CMTM7: variants seen among roughly 807,000 people sequenced by gnomAD.
The protein encoded by CMTM7 is CKLF like MARVEL transmembrane domain containing 7.
CMTM7 carries 7 observed loss-of-function variants against 19.3 expected under a neutral mutation model. The observed-to-expected ratio is 0.36, with a 90% CI of 0.21 to 0.68. The LOEUF (loss-of-function observed/expected upper bound fraction) is 0.68, where lower values mean the gene tolerates loss of function less well. CMTM7 is among the 30% of genes least tolerant of loss of function. The pLI is 0.60. For missense variants in CMTM7, 193 were observed against 232.6 expected (o/e 0.83, Z 1.11); for synonymous variants, 87 against 99.3 (o/e 0.88, Z 0.74).
intron 1 of CMTM7, among the ~76,000 whole-genome samples, chr3:32,421,011 G>A (rs768687182): frequency 6.6e-6 from 1 of 151,920 alleles, no homozygotes; most frequent in South Asian, 2.1e-4. Flanking sequence ...CCACCTCACC[G>A]TGCAGCCTGG....
At chr3:32,434,605 TC>T (rs11353726) in intron 1 of CMTM7, among the ~76,000 whole-genome samples, 5,277 of 17,490 alleles carry the variant, frequency 0.3, 115 homozygotes, top group South Asian at 0.41. Context: ...TCTTTTCTTT[TC>T]TTTTTTTTTT....
chr3:32,429,601 ATTT>A (rs1336943258), intron 1 of CMTM7, among the ~76,000 whole-genome samples: 3 of 126,642 alleles, frequency 2.4e-5, no homozygotes, highest in Non-Finnish European at 3.3e-5. Flanking sequence ...GGAGCAGTGT[ATTT>A]TTTTTTTTTT....
chr3:32,452,008 C>T (rs1575128250), intron 3 of CMTM7: 3 of 1,111,518 alleles, frequency 2.7e-6, no homozygotes, highest in East Asian at 5.6e-5. Flanking sequence ...ATCATGGGAA[C>T]GTTCAGATTT....
intron 1 of CMTM7, among the ~76,000 whole-genome samples, chr3:32,396,878 G>A (rs1255691448): frequency 1.3e-5 from 2 of 152,244 alleles, no homozygotes; most frequent in South Asian, 2.1e-4. Context: ...GGATTAAGGA[G>A]ACCCCAGGAT....
intron 1 of CMTM7, among the ~76,000 whole-genome samples, chr3:32,425,988 A>C (rs1424684513): frequency 6.6e-6 from 1 of 152,148 alleles, no homozygotes; most frequent in Non-Finnish European, 1.5e-5. Context: ...TCTACTAAAA[A>C]TATGAAATTA....
chr3:32,431,619 G>A (rs1193521052), intron 1 of CMTM7, among the ~76,000 whole-genome samples: 3 of 152,178 alleles, frequency 2.0e-5, no homozygotes, highest in Admixed American at 2.0e-4. Context: ...GAGGCCAGAA[G>A]CTGGGACAGG....
intron 1 of CMTM7, among the ~76,000 whole-genome samples, chr3:32,432,703 A>G (rs567999133): frequency 2.8e-4 from 43 of 152,330 alleles, no homozygotes; most frequent in Non-Finnish European, 5.1e-4. Flanking sequence ...TGAGGATAAG[A>G]TGGCCACACA....
At chr3:32,452,696 G>GC (rs1168976844) in intron 4 of CMTM7, among the ~76,000 whole-genome samples, 2 of 151,478 alleles carry the variant, frequency 1.3e-5, no homozygotes, top group Non-Finnish European at 2.9e-5. Flanking sequence ...TAACATTTCA[G>GC]CCTCGGGTGG....
intron 1 of CMTM7, among the ~76,000 whole-genome samples, chr3:32,413,726 A>G (rs1272185702): frequency 2.0e-5 from 3 of 152,170 alleles, no homozygotes; most frequent in African/African-American, 7.2e-5. Flanking sequence ...CTTTTTTCCT[A>G]TGTGGCTATT....
intron 1 of CMTM7, among the ~76,000 whole-genome samples, chr3:32,437,014 A>C (rs1162769329): frequency 6.6e-6 from 1 of 152,132 alleles, no homozygotes. Flanking sequence ...GCGGGTGTAC[A>C]CTCAAGCTGC....
Position 32,417,283 on chromosome 3 carries a change from T to C in CMTM7, c.160-24557T>C, listed in dbSNP as rs538086284. On this transcript the variant is annotated intron_variant, in intron 1 of 4. Coordinates refer to ENST00000334983, the MANE Select transcript of CMTM7 (RefSeq NM_138410.4). Reference sequence around the variant, plus strand: ...ACCATTGATCTGTCTTCCATCCCTATAGTTTTACTGTTTCCAGAATGTCGT... The same window carrying C: ...ACCATTGATCTGTCTTCCATCCCTACAGTTTTACTGTTTCCAGAATGTCGT... Among the ~76,000 whole-genome samples the C allele has an allele frequency of 3.9e-5, 6 of 152,348 alleles. No homozygotes were observed. In the East Asian group the frequency reaches 1.2e-3, roughly 29 times the overall value.
intron 1 of CMTM7, among the ~76,000 whole-genome samples, chr3:32,427,704 A>T (rs1344765493): frequency 1.3e-5 from 2 of 152,190 alleles, no homozygotes; most frequent in Non-Finnish European, 2.9e-5. Flanking sequence ...TCTGATCTAG[A>T]AGCAGGAGTT....
chr3:32,431,056 T>TA (rs1205080584), intron 1 of CMTM7, among the ~76,000 whole-genome samples: 6 of 152,220 alleles, frequency 3.9e-5, no homozygotes, highest in Non-Finnish European at 7.3e-5. Context: ...TCATGGAACT[T>TA]ACGTTCAGGG....
intron 1 of CMTM7, among the ~76,000 whole-genome samples, chr3:32,419,448 G>A (rs1696311953): frequency 6.6e-6 from 1 of 152,160 alleles, no homozygotes; most frequent in Non-Finnish European, 1.5e-5. Flanking sequence ...CTTGTTCCCT[G>A]TGTTGGGGGA....
In CMTM7 at chr3:32,411,061, G is replaced by C. The variant is rs560561810; in HGVS notation, c.159+18996G>C. ...GGCGCTACCTTAAGTCACTTCATCA[G>C]ATGTTTATTGAATGGCTGCTCTGTC... On this transcript the variant is annotated intron_variant, in intron 1 of 4. Transcript: ENST00000334983. Among the ~76,000 whole-genome samples the C allele has an allele frequency of 3.9e-5, 6 of 152,378 alleles. No homozygotes were observed. In the East Asian group the frequency reaches 1.2e-3, roughly 29 times the overall value.
chr3:32,403,578 A>G (rs1696042846), intron 1 of CMTM7, among the ~76,000 whole-genome samples: 1 of 152,178 alleles, frequency 6.6e-6, no homozygotes, highest in Admixed American at 6.5e-5. Context: ...GGTGGGTCGT[A>G]TCATTATCCC....
Position 32,424,517 on chromosome 3 carries a change from C to T in CMTM7, c.160-17323C>T, listed in dbSNP as rs538084295. On this transcript the variant is annotated intron_variant, in intron 1 of 4. Coordinates refer to ENST00000334983, the MANE Select transcript of CMTM7 (RefSeq NM_138410.4). ...AAAACACAGCCACAGTACATGAACGCAGTGTTGGGTGTTCTTTTATACCCC... is the reference window on the plus strand; with the variant it reads ...AAAACACAGCCACAGTACATGAACGTAGTGTTGGGTGTTCTTTTATACCCC... Among the ~76,000 whole-genome samples, 55 of 152,298 alleles carry T rather than the reference C, an allele frequency of 3.6e-4. 1 individual carries two copies. The highest frequency in any genetic ancestry group is 1.3e-3 in the African/African-American group (52 of 41,558).
intron 1 of CMTM7, among the ~76,000 whole-genome samples, chr3:32,437,039 G>A (rs1373518519): frequency 6.6e-6 from 1 of 152,176 alleles, no homozygotes; most frequent in African/African-American, 2.4e-5. Context: ...AGACTAGTTT[G>A]GTTCCAGAGT....
intron 1 of CMTM7, among the ~76,000 whole-genome samples, chr3:32,435,533 C>G (rs1461753446): frequency 6.6e-6 from 1 of 152,244 alleles, no homozygotes; most frequent in Non-Finnish European, 1.5e-5. Flanking sequence ...GTAGGTCATT[C>G]TCCACCAGAG....
Sources: allele counts gnomAD v4.1 joint callset (sites outside exome capture counted in the v4.1 genomes callset), GRCh38; gene constraint gnomAD v4.1.1; transcripts MANE v1.5; gene names NCBI Gene and HGNC (gene_info 2026-07-23, HGNC 2026-07-21).